Variants in DENND1A observed in about 807,000 individuals in gnomAD.
DENND1A encodes DENN domain containing 1A.
A neutral mutation model predicts 113.7 loss-of-function variants in DENND1A; 51 were observed. The ratio of observed to expected loss-of-function variants is 0.45; its 90% CI spans 0.36 to 0.57. The LOEUF is 0.57. Among genes scored for constraint, DENND1A ranks in the 20% least tolerant of loss-of-function variants. DENND1A has a pLI of 0.00. For synonymous variants in DENND1A, 565 were observed against 570.8 expected (o/e 0.99, Z 0.14); for missense variants, 1,258 against 1,395.9 (o/e 0.90, Z 1.57).
At chr9:123,904,380 C>T (rs1852357028) in intron 1 of DENND1A, among the ~76,000 whole-genome samples, 1 of 151,896 alleles carries the variant, frequency 6.6e-6, no homozygotes, top group Non-Finnish European at 1.5e-5. Flanking sequence ...ATGACTTTGA[C>T]AAGCTGAGAG....
intron 3 of DENND1A, among the ~76,000 whole-genome samples, chr9:123,772,445 A>G (rs1829876643): frequency 6.6e-6 from 1 of 152,140 alleles, no homozygotes; most frequent in South Asian, 2.1e-4. Context: ...GTCTTTGGCT[A>G]GGGCACTTTC....
intron 11 of DENND1A, among the ~76,000 whole-genome samples, chr9:123,608,833 G>A (rs2060284616): frequency 2.0e-5 from 3 of 152,128 alleles, no homozygotes; most frequent in African/African-American, 7.2e-5. Flanking sequence ...GGGAATGATA[G>A]GTGGCAAATT....
chr9:123,905,439 A>C (rs1245152039), intron 1 of DENND1A, among the ~76,000 whole-genome samples: 36 of 147,042 alleles, frequency 2.4e-4, no homozygotes, highest in African/African-American at 9.0e-4. Context: ...AAGACCCATC[A>C]GTGTGCTGTA....
chr9:123,900,153 G>T (rs1361209239), intron 1 of DENND1A, among the ~76,000 whole-genome samples: 1 of 152,188 alleles, frequency 6.6e-6, no homozygotes, highest in Non-Finnish European at 1.5e-5. Context: ...CACATGATTT[G>T]GGGATTATCA....
chr9:123,813,163 A>T (rs1351052607), intron 2 of DENND1A, among the ~76,000 whole-genome samples: 1 of 152,046 alleles, frequency 6.6e-6, no homozygotes, highest in East Asian at 1.9e-4. Flanking sequence ...GGATCTCACT[A>T]TGTTGTCCAG....
intron 5 of DENND1A, among the ~76,000 whole-genome samples, chr9:123,745,796 G>T (rs2069447584): frequency 6.6e-6 from 1 of 152,034 alleles, no homozygotes; most frequent in African/African-American, 2.4e-5. Context: ...TCATAAGATT[G>T]CTATAAAAAT....
intron 4 of DENND1A, among the ~76,000 whole-genome samples, chr9:123,760,002 A>C (rs2070902440): frequency 6.6e-6 from 1 of 152,230 alleles, no homozygotes; most frequent in Non-Finnish European, 1.5e-5. Context: ...TCTGAAGATT[A>C]AAATAAAGGT....
At chr9:123,395,468 C>CTCTCTCTGTGTGTG (rs367751848) in intron 21 of DENND1A, among the ~76,000 whole-genome samples, 57 of 142,980 alleles carry the variant, frequency 4.0e-4, no homozygotes, top group Middle Eastern at 3.5e-3. Context: ...CTCTCTCTCT[C>CTCTCTCTGTGTGTG]TGTGTGTGTG....
intron 13 of DENND1A, among the ~76,000 whole-genome samples, chr9:123,546,364 C>A (rs897472165): frequency 1.3e-5 from 2 of 151,580 alleles, no homozygotes; most frequent in Admixed American, 1.3e-4. Flanking sequence ...CTGGCTAACA[C>A]AGTGAAACCC....
At chr9:123,551,134 A>G (rs2057019390) in intron 13 of DENND1A, among the ~76,000 whole-genome samples, 1 of 152,220 alleles carries the variant, frequency 6.6e-6, no homozygotes, top group Non-Finnish European at 1.5e-5. Context: ...TTTGACTGAT[A>G]TTGTTAAATA....
At chr9:123,397,930 G>A (rs184532975) in intron 21 of DENND1A, among the ~76,000 whole-genome samples, 130 of 152,316 alleles carry the variant, frequency 8.5e-4, no homozygotes, top group Non-Finnish European at 1.5e-3. Context: ...AAATAACCAG[G>A]ATGCAGCCAG....
chr9:123,412,324 C>T (rs915862495), intron 19 of DENND1A, among the ~76,000 whole-genome samples: 2 of 152,242 alleles, frequency 1.3e-5, no homozygotes, highest in Non-Finnish European at 2.9e-5. Context: ...CACCCACCCT[C>T]CGGGTGGAAT....
intron 2 of DENND1A, among the ~76,000 whole-genome samples, chr9:123,848,793 T>C (rs1372559940): frequency 1.3e-5 from 2 of 152,136 alleles, no homozygotes; most frequent in African/African-American, 4.8e-5. Flanking sequence ...ACATGAATGA[T>C]AATAAAGTGA....
chr9:123,416,329 G>A (rs1024447646), intron 19 of DENND1A, among the ~76,000 whole-genome samples: 1 of 152,198 alleles, frequency 6.6e-6, no homozygotes, highest in African/African-American at 2.4e-5. Context: ...GGTAAAGCGA[G>A]CTGCTCAACA....
At chr9:123,902,644 C>A (rs562982105) in intron 1 of DENND1A, among the ~76,000 whole-genome samples, 9 of 152,086 alleles carry the variant, frequency 5.9e-5, no homozygotes, top group Admixed American at 2.0e-4. Flanking sequence ...AGAAAAGCAT[C>A]ATCATCTCTT....
chr9:123,746,115 T>C (rs1044034824), intron 5 of DENND1A, among the ~76,000 whole-genome samples: 5 of 152,220 alleles, frequency 3.3e-5, no homozygotes, highest in Admixed American at 3.3e-4. Flanking sequence ...TTTACTTATG[T>C]GTGTATAATG....
chr9:123,611,361 G>A (rs1371123341), intron 10 of DENND1A, among the ~76,000 whole-genome samples: 2 of 152,128 alleles, frequency 1.3e-5, no homozygotes, highest in Non-Finnish European at 2.9e-5. Flanking sequence ...GCTTTTTCCA[G>A]TGTACACTGA....
At chr9:123,773,634 C>T (rs1032355883) in intron 3 of DENND1A, among the ~76,000 whole-genome samples, 8 of 152,174 alleles carry the variant, frequency 5.3e-5, no homozygotes, top group Non-Finnish European at 1.0e-4. Context: ...AATCCTGCAA[C>T]GACCAACATT....
In DENND1A at chr9:123,775,426, A is replaced by T. The variant is rs545103001; in HGVS notation, c.133-5863T>A. On this transcript the variant is annotated intron_variant, in intron 3 of 23. Coordinates refer to ENST00000394215, the MANE Select transcript of DENND1A (RefSeq NM_001352964.2). ...AAGGGGGGAGGAGGGGACACAAGTC[A>T]GAACATACCAAAGGAATAGGGGTCC... is the stretch of plus-strand genomic sequence containing the variant. Among the ~76,000 whole-genome samples, 4 of 152,328 alleles carry T rather than the reference A, an allele frequency of 2.6e-5. No homozygotes were observed. The South Asian group carries it at 8.3e-4, about 32-fold the overall frequency.
Sources: allele counts gnomAD v4.1 joint callset (sites outside exome capture counted in the v4.1 genomes callset), GRCh38; gene constraint gnomAD v4.1.1; transcripts MANE v1.5; gene names NCBI Gene and HGNC (gene_info 2026-07-23, HGNC 2026-07-21).